Variants in KCNAB1 observed in about 807,000 individuals in gnomAD.
The protein encoded by KCNAB1 is voltage-gated potassium channel subunit beta-1.
Under a neutral mutation model 64.6 loss-of-function variants are expected in KCNAB1, and 35 were observed. The observed-to-expected ratio is 0.54, with a 90% CI of 0.41 to 0.72. KCNAB1 has a LOEUF of 0.72. Among genes scored for constraint, KCNAB1 ranks in the 30% least tolerant of loss-of-function variants. The probability of loss-of-function intolerance (pLI) is 0.00; values close to 1 mark genes in which losing one functional copy is unlikely to be tolerated. For synonymous variants in KCNAB1, 177 were observed against 183.8 expected (o/e 0.96, Z 0.30); for missense variants, 401 against 512.9 (o/e 0.78, Z 2.11).
intron 2 of KCNAB1, among the ~76,000 whole-genome samples, chr3:156,422,972 T>G (rs1191536295): frequency 6.6e-6 from 1 of 152,168 alleles, no homozygotes; most frequent in Non-Finnish European, 1.5e-5. Context: ...CAAGTGGTGC[T>G]CATGCATCAA....
intron 1 of KCNAB1, among the ~76,000 whole-genome samples, chr3:156,373,534 T>A (rs774333121): frequency 2.0e-5 from 3 of 152,258 alleles, no homozygotes; most frequent in Non-Finnish European, 2.9e-5. Flanking sequence ...TTTTAAATGT[T>A]TATTATCCTG....
At chr3:156,371,783 T>C (rs759260943) in intron 1 of KCNAB1, among the ~76,000 whole-genome samples, 2 of 152,136 alleles carry the variant, frequency 1.3e-5, no homozygotes, top group African/African-American at 2.4e-5. Context: ...TGAAATGAAT[T>C]ACAATGGTCA....
At chr3:156,435,579 A>C (rs1716531769) in intron 2 of KCNAB1, among the ~76,000 whole-genome samples, 1 of 152,172 alleles carries the variant, frequency 6.6e-6, no homozygotes. Context: ...AAGCAAGAGA[A>C]CCTTCTAAAT....
intron 8 of KCNAB1, among the ~76,000 whole-genome samples, chr3:156,481,522 C>T (rs529815404): frequency 6.6e-6 from 1 of 151,746 alleles, no homozygotes; most frequent in Non-Finnish European, 1.5e-5. Flanking sequence ...GCCTATTTAG[C>T]TGATGTTTTG....
intron 1 of KCNAB1, among the ~76,000 whole-genome samples, chr3:156,360,849 C>T (rs1468469484): frequency 6.6e-6 from 1 of 152,108 alleles, no homozygotes; most frequent in African/African-American, 2.4e-5. Flanking sequence ...TATCCGAATT[C>T]CAGCTGCTCC....
intron 1 of KCNAB1, among the ~76,000 whole-genome samples, chr3:156,255,753 C>G (rs1305599424): frequency 2.6e-5 from 4 of 152,184 alleles, no homozygotes; most frequent in African/African-American, 9.7e-5. Flanking sequence ...CTCCATGCAG[C>G]CTTCTCTGGT....
intron 2 of KCNAB1, among the ~76,000 whole-genome samples, chr3:156,431,039 G>A (rs926335253): frequency 9.2e-5 from 14 of 152,150 alleles, no homozygotes; most frequent in Middle Eastern, 3.2e-3. Flanking sequence ...CTTGGCCCAC[G>A]ATCAGGTGTG....
At chr3:156,195,062 T>G (rs1370326778) in intron 1 of KCNAB1, among the ~76,000 whole-genome samples, 1 of 152,218 alleles carries the variant, frequency 6.6e-6, no homozygotes, top group African/African-American at 2.4e-5. Flanking sequence ...TGTGTTAGTT[T>G]GCTGAGAATG....
chr3:156,155,377 CA>C (rs1379480777), intron 1 of KCNAB1, among the ~76,000 whole-genome samples: 1 of 152,002 alleles, frequency 6.6e-6, no homozygotes, highest in Non-Finnish European at 1.5e-5. Flanking sequence ...AGTTAATGAA[CA>C]AAAATAAATA....
chr3:156,510,586 G>T (rs1576957433), intron 8 of KCNAB1, among the ~76,000 whole-genome samples: 1 of 152,256 alleles, frequency 6.6e-6, no homozygotes, highest in East Asian at 1.9e-4. Flanking sequence ...CTTATTGAAT[G>T]CATTGTGTTT....
intron 1 of KCNAB1, among the ~76,000 whole-genome samples, chr3:156,168,769 C>CA (rs1711769793): frequency 6.6e-6 from 1 of 152,096 alleles, no homozygotes; most frequent in African/African-American, 2.4e-5. Flanking sequence ...GCAGAATTAC[C>CA]AAAAACTTGA....
chr3:156,520,931 A>G (rs1717903340), intron 11 of KCNAB1, among the ~76,000 whole-genome samples: 1 of 152,202 alleles, frequency 6.6e-6, no homozygotes, highest in African/African-American at 2.4e-5. Flanking sequence ...GTTCAATCCA[A>G]GATTAACTAA....
intron 1 of KCNAB1, among the ~76,000 whole-genome samples, chr3:156,229,838 C>A (rs1198054175): frequency 1.3e-5 from 2 of 151,956 alleles, no homozygotes; most frequent in South Asian, 4.2e-4. Flanking sequence ...TATTGCCAAC[C>A]CTGCAATTAT....
chr3:156,401,517 G>A (rs1011951979), intron 1 of KCNAB1, among the ~76,000 whole-genome samples: 3 of 151,764 alleles, frequency 2.0e-5, no homozygotes, highest in Non-Finnish European at 4.4e-5. Flanking sequence ...TTGAAATGTG[G>A]CTGTTCTGGC....
At position 156,312,731 on chromosome 3, in the gene KCNAB1, A is replaced by AAAAAAAAAAAAAAAC. The variant is rs1722007557; in HGVS notation, c.276-108885_276-108884insAAAAAAAAAAAAAAC. Among the ~76,000 whole-genome samples, 155 of 144,582 alleles carry AAAAAAAAAAAAAAAC rather than the reference A, an allele frequency of 1.1e-3. 6 individuals are homozygous for AAAAAAAAAAAAAAAC. The highest frequency in any genetic ancestry group is 4.0e-3 in the African/African-American group (150 of 37,140). 94.9% of individuals were successfully genotyped at this position (144,582 alleles called of 152,430 possible). On this transcript the variant is annotated intron_variant, in intron 1 of 13. Transcript: ENST00000490337. The stretch of plus-strand genomic sequence containing the variant: ...AAAAAAAAAAAAAAAAAAAAAAAAA[A>AAAAAAAAAAAAAAAC]CTCATAATAATGAAATTAGTTCTAT...
chr3:156,390,348 G>GA (rs1040640935), intron 1 of KCNAB1, among the ~76,000 whole-genome samples: 11 of 150,166 alleles, frequency 7.3e-5, no homozygotes, highest in South Asian at 2.1e-4. Context: ...CCTTGACTTA[G>GA]AAAAAAAAAC....
intron 1 of KCNAB1, among the ~76,000 whole-genome samples, chr3:156,305,227 GA>G (rs1300281634): frequency 6.6e-6 from 1 of 152,110 alleles, no homozygotes; most frequent in African/African-American, 2.4e-5. Flanking sequence ...AAATAGACAA[GA>G]AAAAAATTAA....
chr3:156,536,909 GCA>G lies in KCNAB1; in HGVS notation c.*165_*166del. On this transcript the variant is annotated 3_prime_UTR_variant, in exon 14 of 14. Transcript: ENST00000490337. ...AGGTGTCTGCTGTCGCTACCACTGT[GCA>G]CATCTGAAAACTCACAACCAAGAAA... 1 of 608,958 alleles carries G rather than the reference GCA, an allele frequency of 1.6e-6. No homozygotes were observed. The highest frequency in any genetic ancestry group is 2.9e-6 in the Non-Finnish European group (1 of 342,460). The allele number at this position is 608,958 out of a possible 1,614,324, so 37.7% of individuals were successfully genotyped here.
chr3:156,327,161 A>G (rs1723020051), intron 1 of KCNAB1, among the ~76,000 whole-genome samples: 1 of 152,240 alleles, frequency 6.6e-6, no homozygotes, highest in South Asian at 2.1e-4. Flanking sequence ...GCCCACTGAC[A>G]TATTCAATAT....
Sources: allele counts gnomAD v4.1 joint callset (sites outside exome capture counted in the v4.1 genomes callset), GRCh38; gene constraint gnomAD v4.1.1; transcripts MANE v1.5; gene names NCBI Gene and HGNC (gene_info 2026-07-23, HGNC 2026-07-21).